The following GALNT16 variants were observed in gnomAD, a reference collection of about 807,000 sequenced individuals.
GALNT16 encodes UDP-GalNAc:polypeptide N-acetylgalactosaminyltransferase-like protein 1.
In GALNT16, 40 loss-of-function variants were observed where a neutral mutation model predicts 76.1. That is an observed-to-expected ratio of 0.53 (90% CI 0.41 to 0.68). The LOEUF (loss-of-function observed/expected upper bound fraction) is 0.68. Among genes scored for constraint, GALNT16 ranks in the 30% least tolerant of loss-of-function variants. The pLI is 0.00. For synonymous variants in GALNT16, 276 were observed against 285.2 expected, an observed-to-expected ratio of 0.97 and a Z score of 0.32; for missense variants, 621 against 731.9, an observed-to-expected ratio of 0.85 and a Z score of 1.75.
chr14:69,299,082 C>T (rs1594832422), intron 1 of GALNT16, among the ~76,000 whole-genome samples: 4 of 152,216 alleles, frequency 2.6e-5, no homozygotes, highest in African/African-American at 9.7e-5. Context: ...GCAGACAGGA[C>T]AGGTGTCCAT....
intron 12 of GALNT16, 35 bp from the exon 13 acceptor site, chr14:69,347,005 G>T (rs180882601): frequency 1.2e-6 from 2 of 1,613,520 alleles, no homozygotes; most frequent in African/African-American, 2.7e-5. Context: ...CCTTGGGGGG[G>T]AAAGCACAAG....
chr14:69,271,364 G>A (rs552016953), intron 1 of GALNT16, among the ~76,000 whole-genome samples: 1 of 152,290 alleles, frequency 6.6e-6, no homozygotes, highest in East Asian at 1.9e-4. Flanking sequence ...AAAGCTGAGG[G>A]CAGGCCAACC....
chr14:69,342,166 C>T (rs1192916509), intron 12 of GALNT16, among the ~76,000 whole-genome samples: 3 of 151,914 alleles, frequency 2.0e-5, no homozygotes, highest in Non-Finnish European at 2.9e-5. Context: ...AATGAGAAAC[C>T]GCCAGGCACA....
intron 1 of GALNT16, among the ~76,000 whole-genome samples, chr14:69,311,854 G>A (rs752474195): frequency 1.3e-4 from 20 of 152,228 alleles, no homozygotes; most frequent in Admixed American, 6.5e-4. Flanking sequence ...CTTTGCAATA[G>A]TCACACTATA....
At chr14:69,334,075 G>A (rs1263559843) in intron 9 of GALNT16, among the ~76,000 whole-genome samples, 1 of 152,272 alleles carries the variant, frequency 6.6e-6, no homozygotes, top group Non-Finnish European at 1.5e-5. Context: ...GCCCTTTAAA[G>A]TCTGAGTTTC....
At chr14:69,342,069 T>C (rs2051215090) in intron 12 of GALNT16, among the ~76,000 whole-genome samples, 1 of 152,200 alleles carries the variant, frequency 6.6e-6, no homozygotes, top group Admixed American at 6.5e-5. Flanking sequence ...TTTAGCCCTG[T>C]TCTCTCCCTT....
intron 4 of GALNT16, 58 bp downstream of exon 4, chr14:69,325,462 A>G: frequency 9.8e-7 from 1 of 1,023,150 alleles, no homozygotes; most frequent in Non-Finnish European, 1.6e-6. Context: ...CTGTTTCCCC[A>G]GAACACCAAG....
chr14:69,371,936 T>C, the GALNT16 span, among the ~76,000 whole-genome samples: 19 of 152,060 alleles, frequency 1.2e-4, no homozygotes, highest in Admixed American at 1.3e-4. Context: ...AGAGCAAGAC[T>C]GTCTCAAAAA....
At chr14:69,378,817 A>C in the GALNT16 span, among the ~76,000 whole-genome samples, 2 of 152,224 alleles carry the variant, frequency 1.3e-5, no homozygotes, top group Non-Finnish European at 2.9e-5. Context: ...ATAAATAAAT[A>C]AAGCCAAAGA....
intron 1 of GALNT16, among the ~76,000 whole-genome samples, chr14:69,262,925 G>T (rs2140094653): frequency 6.6e-6 from 1 of 151,082 alleles, no homozygotes; most frequent in East Asian, 1.9e-4. Flanking sequence ...TGTCACCCAG[G>T]CTGGAGTGAG....
intron 5 of GALNT16, 64 bp downstream of exon 5, chr14:69,326,091 A>G (rs1306627336): frequency 3.3e-6 from 4 of 1,228,966 alleles, no homozygotes; most frequent in Non-Finnish European, 3.6e-6. Flanking sequence ...GCACTTCCCC[A>G]CTCTCTCTTG....
At chr14:69,360,947 C>T (rs1035651352), downstream of GALNT16, among the ~76,000 whole-genome samples, 12 of 152,238 alleles carry the variant, frequency 7.9e-5, no homozygotes, top group Non-Finnish European at 1.6e-4. Context: ...AGCTGCCTGC[C>T]ACAGAGCTCT....
the GALNT16 span, among the ~76,000 whole-genome samples, chr14:69,362,462 AACCAAATGTGT>A: frequency 6.6e-6 from 1 of 152,288 alleles, no homozygotes; most frequent in South Asian, 2.1e-4. Flanking sequence ...AAATTATTAT[AACCAAATGTGT>A]CCATCTCAGT....
In GALNT16 at chr14:69,260,295, G is replaced by A. The variant is rs770548679; in HGVS notation, c.5G>A (p.Arg2Lys). 2 of 1,612,766 alleles carry A rather than the reference G, an allele frequency of 1.2e-6. No individual in the cohort carries two copies. Among genetic ancestry groups the A allele is most frequent in the South Asian group, 2.2e-5 (2 of 91,006 alleles). The change falls in exon 1 of 15, where the codon AGG becomes AAG. Residue 2 changes from arginine to lysine, a missense_variant. Transcript: ENST00000448469. ...TGGGGCGCCCGTCTGCCCACCATGAGGAAGATCCGCGCCAATGCCATCGCC... is the reference window on the plus strand; with the variant it reads ...TGGGGCGCCCGTCTGCCCACCATGAAGAAGATCCGCGCCAATGCCATCGCC... M[R>K]KIRANAIAIL...
At chr14:69,284,875 C>T (rs1359917525) in intron 1 of GALNT16, among the ~76,000 whole-genome samples, 2 of 151,976 alleles carry the variant, frequency 1.3e-5, no homozygotes, top group African/African-American at 2.4e-5. Flanking sequence ...TTATAAGGGG[C>T]TTTTAACCCC....
chr14:69,279,086 C>G (rs1292796159), intron 1 of GALNT16, among the ~76,000 whole-genome samples: 2 of 152,132 alleles, frequency 1.3e-5, no homozygotes, highest in Non-Finnish European at 2.9e-5. Flanking sequence ...CGCTCGCCAC[C>G]ACTCCTGGCT....
At chr14:69,296,745 G>GATAA (rs2044768928) in intron 1 of GALNT16, among the ~76,000 whole-genome samples, 1 of 150,880 alleles carries the variant, frequency 6.6e-6, no homozygotes, top group Non-Finnish European at 1.5e-5. Flanking sequence ...TAGATAGATA[G>GATAA]ATAGATAGAT....
chr14:69,269,502 T>TTGTG (rs139070521), intron 1 of GALNT16, among the ~76,000 whole-genome samples: 14,633 of 143,348 alleles, frequency 0.1, 1,021 homozygotes, highest in Middle Eastern at 0.19. Context: ...TGTGTGGCAT[T>TTGTG]TGTGTGTGTG....
intron 1 of GALNT16, among the ~76,000 whole-genome samples, chr14:69,281,957 TG>T (rs2044548344): frequency 6.6e-6 from 1 of 152,192 alleles, no homozygotes; most frequent in African/African-American, 2.4e-5. Flanking sequence ...GGTAAGTATT[TG>T]CATGCACAGA....
Sources: allele counts gnomAD v4.1 joint callset (sites outside exome capture counted in the v4.1 genomes callset), GRCh38; gene constraint gnomAD v4.1.1; transcripts MANE v1.5; gene names NCBI Gene and HGNC (gene_info 2026-07-23, HGNC 2026-07-21).